The following PHLPP1 variants were observed in gnomAD, a reference collection of about 807,000 sequenced individuals.
The protein encoded by PHLPP1 is PH domain and leucine rich repeat protein phosphatase 1, also known as PH domain leucine-rich repeat-containing protein phosphatase 1.
In PHLPP1, 42 loss-of-function variants were observed where a neutral mutation model predicts 117.2. The observed-to-expected ratio is 0.36, with a 90% confidence interval of 0.28 to 0.46. The LOEUF (loss-of-function observed/expected upper bound fraction) is 0.46. PHLPP1 is among the 20% of genes least tolerant of loss of function. The probability of loss-of-function intolerance (pLI) is 1.00; values close to 1 mark genes in which losing one functional copy is unlikely to be tolerated. For missense variants in PHLPP1, 2,084 were observed against 2,241.9 expected, an observed-to-expected ratio of 0.93 and a Z score of 1.42; for synonymous variants, 1,042 against 970.7, an observed-to-expected ratio of 1.07 and a Z score of -1.37.
At chr18:62,976,421 C>G (rs1427185938) in intron 16 of PHLPP1, among the ~76,000 whole-genome samples, 1 of 152,172 alleles carries the variant, frequency 6.6e-6, no homozygotes, top group African/African-American at 2.4e-5. Flanking sequence ...TTAAGCAATG[C>G]AAACAAAAGC....
chr18:62,864,091 G>A (rs911425663), intron 4 of PHLPP1, among the ~76,000 whole-genome samples: 2 of 151,696 alleles, frequency 1.3e-5, no homozygotes, highest in South Asian at 2.1e-4. Context: ...GCACAGTCTC[G>A]GCTCACTGCA....
chr18:62,723,439 G>C (rs1460354690), intron 1 of PHLPP1, among the ~76,000 whole-genome samples: 2 of 152,208 alleles, frequency 1.3e-5, no homozygotes, highest in Non-Finnish European at 2.9e-5. Flanking sequence ...AAGTTAGAGA[G>C]AATTTGAATT....
At chr18:62,948,507 C>T (rs2053595943) in intron 12 of PHLPP1, among the ~76,000 whole-genome samples, 1 of 152,096 alleles carries the variant, frequency 6.6e-6, no homozygotes. Context: ...CTTTACAACT[C>T]CTTTTCAATT....
At chr18:62,954,935 C>G (rs757431219) in intron 12 of PHLPP1, among the ~76,000 whole-genome samples, 1 of 152,150 alleles carries the variant, frequency 6.6e-6, no homozygotes, top group Non-Finnish European at 1.5e-5. Context: ...TGTTGAACAT[C>G]TACACTTTCC....
chr18:62,810,362 AT>A (rs927381093), intron 1 of PHLPP1, among the ~76,000 whole-genome samples: 6 of 151,476 alleles, frequency 4.0e-5, no homozygotes, highest in African/African-American at 1.2e-4. Context: ...TGATTAAGTA[AT>A]TTTTTTTTGT....
chr18:62,804,820 C>A (rs1404457935), intron 1 of PHLPP1, among the ~76,000 whole-genome samples: 1 of 147,156 alleles, frequency 6.8e-6, no homozygotes, highest in Admixed American at 6.8e-5. Context: ...ATAATATACA[C>A]TGTATATATT....
intron 1 of PHLPP1, among the ~76,000 whole-genome samples, chr18:62,792,145 G>C (rs1913478209): frequency 6.6e-6 from 1 of 152,278 alleles, no homozygotes; most frequent in East Asian, 1.9e-4. Flanking sequence ...TGACTGCTAT[G>C]GAAATAGGAA....
intron 1 of PHLPP1, among the ~76,000 whole-genome samples, chr18:62,761,262 AAT>A (rs1912219350): frequency 6.6e-6 from 1 of 152,198 alleles, no homozygotes; most frequent in South Asian, 2.1e-4. Context: ...ATCTCTTTCA[AAT>A]ATTCTGGAAG....
intron 10 of PHLPP1, among the ~76,000 whole-genome samples, chr18:62,937,024 C>T (rs1241444880): frequency 6.6e-6 from 1 of 152,098 alleles, no homozygotes; most frequent in Non-Finnish European, 1.5e-5. Context: ...ATATAAGTCC[C>T]AGTACAGATT....
chr18:62,941,430 C>T (rs7229094), intron 10 of PHLPP1, among the ~76,000 whole-genome samples: 7,487 of 152,288 alleles, frequency 0.049, 572 homozygotes, highest in African/African-American at 0.17. Context: ...ATCACTTTCT[C>T]TTCCACTCCC....
chr18:62,732,128 C>G (rs548656277), intron 1 of PHLPP1, among the ~76,000 whole-genome samples: 1 of 152,212 alleles, frequency 6.6e-6, no homozygotes, highest in African/African-American at 2.4e-5. Flanking sequence ...CACCAAGTGA[C>G]AGATTTTCAG....
rs35265223 is a variant in PHLPP1, at chr18:62,882,946, T to TAAA, written c.2067-12051_2067-12049dup. Among the ~76,000 whole-genome samples the TAAA allele has an allele frequency of 3.1e-3, 382 of 121,516 alleles. 2 individuals are homozygous for TAAA. The highest frequency in any genetic ancestry group is 5.7e-3 in the Admixed American group (66 of 11,612). The allele number at this position is 121,516 out of a possible 152,430, so 79.7% of individuals were successfully genotyped here. A position where few individuals can be genotyped will look rare whatever the true frequency, so the allele number is the denominator to read the frequency against. On this transcript the variant is annotated intron_variant, in intron 4 of 16. Transcript: ENST00000262719. Reference sequence around the variant, plus strand: ...TTTTTGAGAGAGCAAGACCACATCTTAAAAAAAAAAAAAAAAGAAAAAAAG... The same window carrying TAAA: ...TTTTTGAGAGAGCAAGACCACATCTTAAAAAAAAAAAAAAAAAAAGAAAAAAAG...
chr18:62,965,168 C>T (rs532493051), intron 14 of PHLPP1, among the ~76,000 whole-genome samples: 1 of 152,194 alleles, frequency 6.6e-6, no homozygotes, highest in African/African-American at 2.4e-5. Flanking sequence ...TTTTCTTACC[C>T]TTTGGTTTTG....
intron 1 of PHLPP1, among the ~76,000 whole-genome samples, chr18:62,723,366 A>G (rs1312483867): frequency 1.3e-5 from 2 of 152,194 alleles, no homozygotes; most frequent in African/African-American, 4.8e-5. Context: ...TTGAAGACTG[A>G]TGAAATTTGA....
chr18:62,777,500 A>G (rs1024721629), intron 1 of PHLPP1, among the ~76,000 whole-genome samples: 4 of 148,228 alleles, frequency 2.7e-5, no homozygotes, highest in Non-Finnish European at 6.0e-5. Flanking sequence ...TCTTATTTAT[A>G]TTATATATTT....
intron 12 of PHLPP1, 81 bp downstream of exon 12, chr18:62,945,352 T>C: frequency 1.7e-6 from 2 of 1,181,050 alleles, no homozygotes; most frequent in Non-Finnish European, 2.3e-6. Context: ...TCAGGACGTT[T>C]GCATCTTTGT....
chr18:62,797,627 C>T (rs1913663693), intron 1 of PHLPP1, among the ~76,000 whole-genome samples: 1 of 152,182 alleles, frequency 6.6e-6, no homozygotes, highest in Admixed American at 6.5e-5. Flanking sequence ...ATCTGGAAAC[C>T]TTGTCATCTC....
chr18:62,951,687 T>A (rs1910462864), intron 12 of PHLPP1, among the ~76,000 whole-genome samples: 1 of 151,994 alleles, frequency 6.6e-6, no homozygotes, highest in South Asian at 2.1e-4. Context: ...CTCTTTTTTT[T>A]AATGTAAAAA....
chr18:62,732,764 A>G (rs1276630951), intron 1 of PHLPP1, among the ~76,000 whole-genome samples: 1 of 152,212 alleles, frequency 6.6e-6, no homozygotes, highest in African/African-American at 2.4e-5. Flanking sequence ...TCATGGGAGG[A>G]GAACCTCCAT....
Sources: gnomAD v4.1 joint callset for allele counts (sites outside exome capture counted in the v4.1 genomes callset) on GRCh38, gnomAD v4.1.1 for gene constraint, MANE v1.5 for transcripts, NCBI Gene and HGNC (gene_info 2026-07-23, HGNC 2026-07-21) for gene names.